Variants in ZDHHC17 observed in about 807,000 individuals in gnomAD.
ZDHHC17 encodes palmitoyltransferase ZDHHC17.
Under a neutral mutation model 90.3 loss-of-function variants are expected in ZDHHC17, and 40 were observed. That is an observed-to-expected ratio of 0.44 (90% CI 0.34 to 0.58). The LOEUF (loss-of-function observed/expected upper bound fraction) is 0.58, where lower values mean the gene tolerates loss of function less well. ZDHHC17 is among the 20% of genes least tolerant of loss of function. The probability of loss-of-function intolerance (pLI) is 0.01; values close to 1 mark genes in which losing one functional copy is unlikely to be tolerated. For missense variants in ZDHHC17, 614 were observed against 780.8 expected (o/e 0.79, Z 2.55); for synonymous variants, 235 against 252.4 (o/e 0.93, Z 0.65).
chr12:76,847,791 G>A lies in ZDHHC17; in HGVS notation c.1508-442G>A, dbSNP rs377431357. ...GAGGATTGCTTGGGTCCAGGAGGTC[G>A]AGGTTGCAGTGAGCCTTGATTGAGC... On this transcript the variant is annotated intron_variant, in intron 14 of 16. Transcript: ENST00000426126. Among the ~76,000 whole-genome samples the A allele has an allele frequency of 4.7e-4, 71 of 152,254 alleles. No homozygotes were observed. In the East Asian group the frequency reaches 0.011, roughly 24 times the overall value.
chr12:76,843,493 A>T (rs928288452), intron 12 of ZDHHC17, among the ~76,000 whole-genome samples: 2 of 151,922 alleles, frequency 1.3e-5, no homozygotes, highest in African/African-American at 4.8e-5. Context: ...ATAGATTTTT[A>T]AAGTGGTCAT....
intron 1 of ZDHHC17, among the ~76,000 whole-genome samples, chr12:76,768,766 C>A (rs1952459411): frequency 6.6e-6 from 1 of 152,140 alleles, no homozygotes; most frequent in Non-Finnish European, 1.5e-5. Flanking sequence ...TCACAATATC[C>A]CCTTCTGCCA....
intron 7 of ZDHHC17, among the ~76,000 whole-genome samples, chr12:76,816,512 T>C (rs1953089120): frequency 6.6e-6 from 1 of 152,060 alleles, no homozygotes; most frequent in Non-Finnish European, 1.5e-5. Context: ...TTTAATCATA[T>C]GCATTCATAA....
At chr12:76,826,843 CAAT>C (rs1197939789) in intron 8 of ZDHHC17, 62 bp from the exon 9 acceptor site, 12 of 1,446,412 alleles carry the variant, frequency 8.3e-6, no homozygotes, top group South Asian at 1.6e-5. Context: ...ACAAAGGTAA[CAAT>C]GATTCAGATT....
At chr12:76,796,057 G>A (rs1342193417) in intron 1 of ZDHHC17, among the ~76,000 whole-genome samples, 2 of 152,136 alleles carry the variant, frequency 1.3e-5, no homozygotes, top group African/African-American at 2.4e-5. Context: ...CAGATTGATA[G>A]TCTTCTAAAT....
chr12:76,802,666 T>G (rs1952905521), intron 2 of ZDHHC17, among the ~76,000 whole-genome samples: 1 of 152,244 alleles, frequency 6.6e-6, no homozygotes, highest in Non-Finnish European at 1.5e-5. Flanking sequence ...GCTATTGCTT[T>G]GTCTTCATGT....
At chr12:76,849,323 CAAAAAAA>C (rs34062414) in intron 15 of ZDHHC17, 46 bp from the exon 16 acceptor site, 70 of 454,752 alleles carry the variant, frequency 1.5e-4, no homozygotes, top group Non-Finnish European at 2.0e-4. Flanking sequence ...GGTCCTGTCT[CAAAAAAA>C]AAAAAAAAAA....
At chr12:76,848,664 G>A (rs556753218) in intron 15 of ZDHHC17, among the ~76,000 whole-genome samples, 27 of 152,190 alleles carry the variant, frequency 1.8e-4, no homozygotes, top group African/African-American at 5.8e-4. Flanking sequence ...GATTGATGAT[G>A]ACATTAATTT....
intron 5 of ZDHHC17, among the ~76,000 whole-genome samples, chr12:76,811,648 A>G (rs1302682770): frequency 2.6e-5 from 4 of 152,078 alleles, no homozygotes; most frequent in Admixed American, 1.3e-4. Flanking sequence ...TTTTCTGCAC[A>G]CAAAGATAAT....
chr12:76,837,933 G>A (rs1485784189), intron 10 of ZDHHC17, among the ~76,000 whole-genome samples: 2 of 152,192 alleles, frequency 1.3e-5, no homozygotes, highest in South Asian at 2.1e-4. Flanking sequence ...AATTATAGGT[G>A]CATGCCACCA....
At chr12:76,850,630 T>A (rs552354589) in intron 16 of ZDHHC17, among the ~76,000 whole-genome samples, 1 of 152,264 alleles carries the variant, frequency 6.6e-6, no homozygotes, top group Non-Finnish European at 1.5e-5. Context: ...ATTGTGTAAG[T>A]CTTTAAATTG....
chr12:76,792,300 G>A (rs1008458470), intron 1 of ZDHHC17, among the ~76,000 whole-genome samples: 7 of 152,126 alleles, frequency 4.6e-5, no homozygotes, highest in African/African-American at 1.7e-4. Flanking sequence ...GTGAACCTGG[G>A]ACAAAGACGG....
At chr12:76,843,581 ATTGT>A (rs1245304236) in intron 12 of ZDHHC17, among the ~76,000 whole-genome samples, 3 of 152,064 alleles carry the variant, frequency 2.0e-5, no homozygotes, top group Admixed American at 6.6e-5. Context: ...CACTATTGAG[ATTGT>A]TTATTATTAT....
At chr12:76,793,769 G>A (rs906559289) in intron 1 of ZDHHC17, among the ~76,000 whole-genome samples, 20 of 152,186 alleles carry the variant, frequency 1.3e-4, no homozygotes, top group African/African-American at 4.6e-4. Flanking sequence ...GAATTACTGC[G>A]TTCTTAAAAG....
At chr12:76,799,172 C>T (rs971023763) in intron 2 of ZDHHC17, among the ~76,000 whole-genome samples, 1 of 152,142 alleles carries the variant, frequency 6.6e-6, no homozygotes, top group African/African-American at 2.4e-5. Context: ...CTCTGAAGTT[C>T]ATTGCATCCC....
At chr12:76,840,946 T>C (rs1030586943) in intron 10 of ZDHHC17, 29 of 152,184 alleles carry the variant, frequency 1.9e-4, no homozygotes, top group Admixed American at 1.2e-3. Flanking sequence ...CTCAGCATTC[T>C]GCACACTTTA....
chr12:76,832,558 C>T (rs549136945), intron 10 of ZDHHC17, among the ~76,000 whole-genome samples: 1 of 152,326 alleles, frequency 6.6e-6, no homozygotes, highest in Non-Finnish European at 1.5e-5. Context: ...ACCTTGTTTA[C>T]ATGTGTTTCT....
chr12:76,849,121 A>C lies in ZDHHC17; in HGVS notation c.1666-255A>C, dbSNP rs1210351615. Among the ~76,000 whole-genome samples the C allele has an allele frequency of 2.0e-3, 292 of 143,322 alleles. 1 individual carries two copies. The highest frequency in any genetic ancestry group is 5.9e-3 in the African/African-American group (231 of 38,988). The allele number at this position is 143,322 out of a possible 152,430, so 94.0% of individuals were successfully genotyped here. A position where few individuals can be genotyped will look rare whatever the true frequency, so the allele number is the denominator to read the frequency against. On this transcript the variant is annotated intron_variant, in intron 15 of 16. Transcript: ENST00000426126. Reference sequence around the variant, plus strand: ...CAACATGGTTAAACCCTATCTCTAAAAAAAAAAAAAAAAAAAAAAACCCAA... The same window carrying C: ...CAACATGGTTAAACCCTATCTCTAACAAAAAAAAAAAAAAAAAAAACCCAA...
chr12:76,807,106 A>G (rs1250527471), intron 3 of ZDHHC17, among the ~76,000 whole-genome samples: 1 of 152,234 alleles, frequency 6.6e-6, no homozygotes, highest in African/African-American at 2.4e-5. Flanking sequence ...GGACACAAGA[A>G]TGAATCTGGA....
Sources: gnomAD v4.1 joint callset for allele counts (sites outside exome capture counted in the v4.1 genomes callset) on GRCh38, gnomAD v4.1.1 for gene constraint, MANE v1.5 for transcripts, NCBI Gene and HGNC (gene_info 2026-07-23, HGNC 2026-07-21) for gene names.